SYT1: variants seen among roughly 807,000 people sequenced by gnomAD.
The protein encoded by SYT1 is synaptotagmin 1.
A neutral mutation model predicts 44.8 loss-of-function variants in SYT1; 8 were observed. The observed-to-expected ratio is 0.18, with a 90% CI of 0.10 to 0.32. The LOEUF (loss-of-function observed/expected upper bound fraction) is 0.32, where lower values mean the gene tolerates loss of function less well. SYT1 is among the 10% of genes least tolerant of loss of function. The pLI, the probability that SYT1 is intolerant of heterozygous loss-of-function variation, is 1.00. For missense variants in SYT1, 286 were observed against 509.3 expected, an observed-to-expected ratio of 0.56 and a Z score of 4.22; for synonymous variants, 154 against 188.8, an observed-to-expected ratio of 0.82 and a Z score of 1.51.
At chr12:79,381,335 C>T (rs369277378) in intron 9 of SYT1, among the ~76,000 whole-genome samples, 1 of 152,264 alleles carries the variant, frequency 6.6e-6, no homozygotes, top group East Asian at 1.9e-4. Context: ...GTCTCAAGTT[C>T]CTGTTGAATC....
At chr12:79,412,609 C>T (rs1323365786) in intron 9 of SYT1, among the ~76,000 whole-genome samples, 2 of 152,122 alleles carry the variant, frequency 1.3e-5, no homozygotes, top group Non-Finnish European at 2.9e-5. Context: ...TGACCAGCCA[C>T]CTACTGTAAC....
At position 79,350,291 on chromosome 12, in the gene SYT1, C is replaced by T. The variant is rs936435608; in HGVS notation, c.811-3211C>T. Among the ~76,000 whole-genome samples the T allele has an allele frequency of 4.5e-5, 6 of 133,136 alleles. No homozygotes were observed. In the South Asian group the frequency reaches 7.0e-4, roughly 15 times the overall value. The allele number at this position is 133,136 out of a possible 152,430, so 87.3% of individuals were successfully genotyped here. ...TTTTTGAGACGGAGTCTCGCTCTGT[C>T]GCCCAGGCTGGAGTGCAGTGGCGCG... On this transcript the variant is annotated intron_variant, in intron 8 of 10. Coordinates refer to ENST00000261205, the MANE Select transcript of SYT1 (RefSeq NM_005639.3).
chr12:78,936,213 TATC>T (rs1878047993), intron 1 of SYT1, among the ~76,000 whole-genome samples: 1 of 149,894 alleles, frequency 6.7e-6, no homozygotes, highest in Non-Finnish European at 1.5e-5. Context: ...CCGATGAAAA[TATC>T]ATATATTTGG....
At chr12:79,300,719 GTATACT>G (rs1880095293) in intron 8 of SYT1, among the ~76,000 whole-genome samples, 1 of 145,546 alleles carries the variant, frequency 6.9e-6, no homozygotes, top group Admixed American at 7.0e-5. Context: ...AAAAAAGTAT[GTATACT>G]TATACTTTCC....
chr12:79,154,125 C>T (rs540409016), intron 3 of SYT1, among the ~76,000 whole-genome samples: 1 of 152,194 alleles, frequency 6.6e-6, no homozygotes, highest in Admixed American at 6.5e-5. Flanking sequence ...GCTCATGTTA[C>T]TACTAACCTG....
chr12:78,948,894 A>G (rs1878810199), intron 1 of SYT1, among the ~76,000 whole-genome samples: 1 of 151,346 alleles, frequency 6.6e-6, no homozygotes, highest in African/African-American at 2.4e-5. Context: ...CTCAAATGTA[A>G]GTTTCTTACA....
chr12:79,331,232 A>G (rs1881841140), intron 8 of SYT1, among the ~76,000 whole-genome samples: 1 of 152,178 alleles, frequency 6.6e-6, no homozygotes, highest in African/African-American at 2.4e-5. Flanking sequence ...TTTAGAAGTC[A>G]CCTTTTGTAA....
intron 4 of SYT1, among the ~76,000 whole-genome samples, chr12:79,232,986 C>G (rs955063264): frequency 1.3e-5 from 2 of 152,202 alleles, no homozygotes. Flanking sequence ...TTTCTCTCTC[C>G]TTTTATTTCT....
chr12:79,064,926 G>GAGAAAGAAAGAA (rs200335076), intron 3 of SYT1, among the ~76,000 whole-genome samples: 1,675 of 111,470 alleles, frequency 0.015, 25 homozygotes, highest in East Asian at 0.029. Flanking sequence ...AAAAAATAGA[G>GAGAAAGAAAGAA]AGAAAGAAAG....
In SYT1 at chr12:79,140,379, C is replaced by A. The variant is rs781728295; in HGVS notation, c.-17-77124C>A. ...AGAATTCTTGTGTCTATAAAAAACT[C>A]TTTTCTAACAGAACACTCCTTGATA... On this transcript the variant is annotated intron_variant, in intron 3 of 10. Coordinates refer to ENST00000261205, the MANE Select transcript of SYT1 (RefSeq NM_005639.3). Among the ~76,000 whole-genome samples the A allele has an allele frequency of 9.2e-5, 14 of 152,232 alleles. 1 individual carries two copies. In the Middle Eastern group the frequency reaches 0.014, roughly 148 times the overall value.
intron 8 of SYT1, among the ~76,000 whole-genome samples, chr12:79,310,730 C>G (rs919525083): frequency 6.6e-6 from 1 of 152,200 alleles, no homozygotes; most frequent in Non-Finnish European, 1.5e-5. Flanking sequence ...AGGTCCTTCA[C>G]GTCCCTCGTA....
chr12:79,292,343 A>G (rs1490452197), intron 6 of SYT1, among the ~76,000 whole-genome samples: 1 of 152,176 alleles, frequency 6.6e-6, no homozygotes, highest in African/African-American at 2.4e-5. Flanking sequence ...AACCGATTAC[A>G]TCTACTTGTG....
intron 4 of SYT1, among the ~76,000 whole-genome samples, chr12:79,237,149 T>C (rs935883920): frequency 6.6e-6 from 1 of 152,184 alleles, no homozygotes; most frequent in African/African-American, 2.4e-5. Context: ...TGACAGACTC[T>C]GTGAACATGC....
intron 3 of SYT1, among the ~76,000 whole-genome samples, chr12:79,211,709 T>C (rs1037126213): frequency 2.0e-5 from 3 of 151,546 alleles, no homozygotes; most frequent in Non-Finnish European, 2.9e-5. Context: ...TTTGTTCTTG[T>C]GATAGTTTAC....
chr12:78,955,800 T>TTGTGTGTGTGTGTGTG (rs60111282), intron 1 of SYT1, among the ~76,000 whole-genome samples: 37 of 138,700 alleles, frequency 2.7e-4, no homozygotes, highest in African/African-American at 8.4e-4. Context: ...GCCAAGATAT[T>TTGTGTGTGTGTGTGTG]TGTGTGTGTG....
chr12:79,370,985 A>AGG (rs1352774336), intron 9 of SYT1, among the ~76,000 whole-genome samples: 2 of 151,822 alleles, frequency 1.3e-5, no homozygotes, highest in African/African-American at 2.4e-5. Context: ...ACCAAAAGTG[A>AGG]TTATTTTATT....
At chr12:78,983,889 G>C (rs1869446657) in intron 2 of SYT1, among the ~76,000 whole-genome samples, 1 of 151,944 alleles carries the variant, frequency 6.6e-6, no homozygotes, top group South Asian at 2.1e-4. Context: ...GCACCTCTCT[G>C]ACAGCATTAA....
chr12:78,939,083 G>A (rs1362483122), intron 1 of SYT1, among the ~76,000 whole-genome samples: 1 of 152,122 alleles, frequency 6.6e-6, no homozygotes, highest in African/African-American at 2.4e-5. Flanking sequence ...AAGATCTGTG[G>A]TATTGCCCAA....
chr12:79,038,711 C>G (rs1829398383), intron 2 of SYT1, among the ~76,000 whole-genome samples: 1 of 151,748 alleles, frequency 6.6e-6, no homozygotes, highest in African/African-American at 2.4e-5. Flanking sequence ...GAAATTTAAA[C>G]CTTAGGACTA....
Sources: allele counts gnomAD v4.1 joint callset (sites outside exome capture counted in the v4.1 genomes callset), GRCh38; gene constraint gnomAD v4.1.1; transcripts MANE v1.5; gene names NCBI Gene and HGNC (gene_info 2026-07-23, HGNC 2026-07-21).